The following ASCC3 variants were observed in gnomAD, a reference collection of about 807,000 sequenced individuals.
ASCC3 encodes activating signal cointegrator 1 complex subunit 3.
ASCC3 carries 158 observed loss-of-function variants against 256.3 expected under a neutral mutation model. That is an observed-to-expected ratio of 0.62 (90% CI 0.54 to 0.70). ASCC3 has a LOEUF of 0.70. ASCC3 is among the 30% of genes least tolerant of loss of function. ASCC3 has a pLI of 0.00. For missense variants in ASCC3, 2,259 were observed against 2,626.0 expected (o/e 0.86, Z 3.05); for synonymous variants, 948 against 883.4 (o/e 1.07, Z -1.30).
intron 1 of ASCC3, among the ~76,000 whole-genome samples, chr6:100,873,836 G>A (rs1053483168): frequency 9.9e-5 from 15 of 152,184 alleles, no homozygotes; most frequent in African/African-American, 3.6e-4. Flanking sequence ...CTCAGAACAC[G>A]CCACTACCAA....
At chr6:100,851,762 A>C (rs1194733670) in intron 3 of ASCC3, among the ~76,000 whole-genome samples, 1 of 152,178 alleles carries the variant, frequency 6.6e-6, no homozygotes, top group African/African-American at 2.4e-5. Context: ...TATATGCCTT[A>C]CGGTTCTGGG....
At chr6:100,569,574 C>G (rs576119471) in intron 36 of ASCC3, among the ~76,000 whole-genome samples, 3 of 151,800 alleles carry the variant, frequency 2.0e-5, no homozygotes, top group Admixed American at 6.6e-5. Flanking sequence ...TTAGTAGAGA[C>G]GGGGTTTCAC....
In ASCC3 at chr6:100,718,065, G is replaced by A. The variant is rs1779167285; in HGVS notation, c.2079+10C>T. The A allele has an allele frequency of 1.2e-6, 2 of 1,610,112 alleles. No homozygotes were observed. The highest frequency in any genetic ancestry group is 1.7e-5 in the Admixed American group (1 of 59,832). ...AATATTTTTAGATAAGAATTAAAAT[G>A]AGTATTTACCTTATTTGCACATTTA... On this transcript the variant is annotated intron_variant, in intron 12 of 41. Transcript: ENST00000369162.
At chr6:100,838,625 TACAACTTAATTAAG>T (rs1285338827) in intron 4 of ASCC3, among the ~76,000 whole-genome samples, 3 of 152,102 alleles carry the variant, frequency 2.0e-5, no homozygotes, top group Non-Finnish European at 4.4e-5. Context: ...CAAGGTCACT[TACAACTTAATTAAG>T]ACAACTTGGA....
chr6:100,746,597 G>A (rs1034917650), intron 10 of ASCC3, among the ~76,000 whole-genome samples: 1 of 152,026 alleles, frequency 6.6e-6, no homozygotes, highest in African/African-American at 2.4e-5. Context: ...ACAGCTAGAA[G>A]CCTCACTATT....
chr6:100,533,093 G>GT (rs924830888), intron 37 of ASCC3, among the ~76,000 whole-genome samples: 21 of 149,810 alleles, frequency 1.4e-4, no homozygotes, highest in East Asian at 1.2e-3. Context: ...CCCATTAGCT[G>GT]TTTTTTTTTG....
intron 8 of ASCC3, among the ~76,000 whole-genome samples, chr6:100,771,866 GTTTTTTTTTTTT>G (rs57465763): frequency 5.4e-5 from 5 of 91,820 alleles, no homozygotes; most frequent in African/African-American, 1.4e-4. Context: ...CAATCTGCAA[GTTTTTTTTTTTT>G]TTTTTTTTTT....
intron 6 of ASCC3, 127 bp downstream of exon 6, chr6:100,800,173 T>C (rs1769839088): frequency 2.0e-6 from 2 of 997,370 alleles, no homozygotes; most frequent in Admixed American, 4.4e-5. Context: ...TAAAACAAAC[T>C]TCTATGAAGA....
intron 8 of ASCC3, among the ~76,000 whole-genome samples, chr6:100,785,733 T>G (rs1769039345): frequency 6.6e-6 from 1 of 152,136 alleles, no homozygotes; most frequent in Non-Finnish European, 1.5e-5. Context: ...TATAAAATAC[T>G]GACAATACTC....
At chr6:100,530,147 C>G in intron 37 of ASCC3, 1 of 568,304 alleles carries the variant, frequency 1.8e-6, no homozygotes, top group Non-Finnish European at 3.2e-6. Context: ...TCACATTTCT[C>G]TATGTGCATG....
chr6:100,522,531 C>T (rs1174179705), intron 37 of ASCC3, among the ~76,000 whole-genome samples: 1 of 151,742 alleles, frequency 6.6e-6, no homozygotes, highest in Non-Finnish European at 1.5e-5. Flanking sequence ...GAGCTGTGGA[C>T]TTAGAAATCC....
chr6:100,610,109 A>G (rs1420859495), intron 30 of ASCC3, among the ~76,000 whole-genome samples: 2 of 152,206 alleles, frequency 1.3e-5, no homozygotes, highest in South Asian at 2.1e-4. Context: ...TCACCACCAC[A>G]TTCCAGCAGT....
chr6:100,701,955 A>G (rs1420076660), intron 13 of ASCC3, among the ~76,000 whole-genome samples: 2 of 152,122 alleles, frequency 1.3e-5, no homozygotes, highest in Non-Finnish European at 2.9e-5. Context: ...AGAAAGTAAG[A>G]AAGAGAGAGA....
chr6:100,847,454 G>A (rs911760672), intron 4 of ASCC3, among the ~76,000 whole-genome samples: 2 of 152,068 alleles, frequency 1.3e-5, no homozygotes, highest in Non-Finnish European at 2.9e-5. Context: ...TATGGGTTAA[G>A]TCCTCCAATA....
At chr6:100,578,923 G>A (rs1255087365) in intron 36 of ASCC3, among the ~76,000 whole-genome samples, 2 of 151,952 alleles carry the variant, frequency 1.3e-5, no homozygotes, top group African/African-American at 4.8e-5. Flanking sequence ...TTTCCACAAC[G>A]ACTGATTTAC....
chr6:100,763,237 T>C (rs1781495746), intron 10 of ASCC3, among the ~76,000 whole-genome samples: 1 of 152,188 alleles, frequency 6.6e-6, no homozygotes, highest in Non-Finnish European at 1.5e-5. Context: ...GGTAAAAAGA[T>C]TAGAAACTAT....
chr6:100,670,064 C>G (rs1490167736), intron 14 of ASCC3, among the ~76,000 whole-genome samples: 1 of 151,680 alleles, frequency 6.6e-6, no homozygotes, highest in African/African-American at 2.4e-5. Flanking sequence ...GTTTATGTAA[C>G]CTATATGTAC....
intron 10 of ASCC3, among the ~76,000 whole-genome samples, chr6:100,737,251 G>A (rs1191463132): frequency 1.3e-5 from 2 of 151,520 alleles, no homozygotes; most frequent in Non-Finnish European, 2.9e-5. Flanking sequence ...TTAAGTACAG[G>A]GGTACATGTG....
chr6:100,705,034 T>C (rs1043380471), intron 13 of ASCC3, among the ~76,000 whole-genome samples: 14 of 152,064 alleles, frequency 9.2e-5, no homozygotes, highest in Non-Finnish European at 1.9e-4. Flanking sequence ...GTACTTGCAT[T>C]TGGTAACACA....
Sources: allele counts gnomAD v4.1 joint callset (sites outside exome capture counted in the v4.1 genomes callset), GRCh38; gene constraint gnomAD v4.1.1; transcripts MANE v1.5; gene names NCBI Gene and HGNC (gene_info 2026-07-23, HGNC 2026-07-21).